Variants in UTP6 observed in about 807,000 individuals in gnomAD.
UTP6 encodes UTP6 small subunit processome component.
In UTP6, 60 loss-of-function variants were observed where a neutral mutation model predicts 96.5. The observed-to-expected ratio is 0.62, with a 90% CI of 0.51 to 0.77. UTP6 has a LOEUF of 0.77. Among genes scored for constraint, UTP6 ranks in the 30% least tolerant of loss-of-function variants. The pLI, the probability that UTP6 is intolerant of heterozygous loss-of-function variation, is 0.00. For missense variants in UTP6, 637 were observed against 706.5 expected (o/e 0.90, Z 1.12); for synonymous variants, 215 against 240.1 (o/e 0.90, Z 0.96).
rs575292810 is a variant in UTP6 at position 31,897,658 on chromosome 17, A to G, written c.177+1988T>C. Reference sequence around the variant, plus strand: ...AGATGGGGGTTTCACCATGTTGGCCAGGCTGGTCTCGAACTCCTGACCACA... The same window carrying G: ...AGATGGGGGTTTCACCATGTTGGCCGGGCTGGTCTCGAACTCCTGACCACA... On this transcript the variant is annotated intron_variant, in intron 2 of 18. Transcript: ENST00000261708. 9.3e-4 allele frequency among the ~76,000 whole-genome samples: 141 copies of G among 152,124 alleles called. 1 individual carries two copies. The highest frequency in any genetic ancestry group is 2.0e-3 in the Admixed American group (30 of 15,244).
intron 11 of UTP6, among the ~76,000 whole-genome samples, chr17:31,879,999 G>A (rs1305202721): frequency 5.3e-5 from 8 of 152,064 alleles, no homozygotes; most frequent in East Asian, 1.9e-4. Flanking sequence ...CCAGCTACTC[G>A]GGAGGATGAG....
At chr17:31,882,863 G>A (rs1389654633) in intron 10 of UTP6, among the ~76,000 whole-genome samples, 1 of 151,986 alleles carries the variant, frequency 6.6e-6, no homozygotes, top group African/African-American at 2.4e-5. Context: ...ACAGCTCACG[G>A]CAGCCTCAAC....
intron 14 of UTP6, among the ~76,000 whole-genome samples, 195 bp downstream of exon 14, chr17:31,875,039 A>G (rs1910413846): frequency 6.6e-6 from 1 of 152,184 alleles, no homozygotes; most frequent in African/African-American, 2.4e-5. Context: ...AGTTTTATTT[A>G]ATTTGGTTAA....
At chr17:31,877,123 C>G (rs959759890) in intron 13 of UTP6, among the ~76,000 whole-genome samples, 1 of 152,116 alleles carries the variant, frequency 6.6e-6, no homozygotes, top group African/African-American at 2.4e-5. Flanking sequence ...TAAACTAAAG[C>G]AAATTTTTCT....
At chr17:31,894,901 G>T in intron 3 of UTP6, 69 bp downstream of exon 3, 1 of 1,397,640 alleles carries the variant, frequency 7.2e-7, no homozygotes, top group Non-Finnish European at 1.0e-6. Context: ...CCAAACACAA[G>T]TCCTAACTAT....
chr17:31,869,741 T>C (rs1910045048), intron 16 of UTP6, among the ~76,000 whole-genome samples: 4 of 152,190 alleles, frequency 2.6e-5, no homozygotes, highest in Admixed American at 2.0e-4. Flanking sequence ...TGCGTGACAC[T>C]GAGGTTTGGG....
intron 16 of UTP6, among the ~76,000 whole-genome samples, chr17:31,869,731 T>C (rs1175513438): frequency 1.3e-5 from 2 of 152,164 alleles, no homozygotes; most frequent in African/African-American, 4.8e-5. Flanking sequence ...GTGTGTATAT[T>C]GCGTGACACT....
At chr17:31,899,989 CA>C (rs1904875470) in intron 1 of UTP6, among the ~76,000 whole-genome samples, 1 of 151,786 alleles carries the variant, frequency 6.6e-6, no homozygotes, top group South Asian at 2.1e-4. Context: ...ACTAAAAATA[CA>C]AAAATTAGCT....
intron 16 of UTP6, among the ~76,000 whole-genome samples, chr17:31,871,551 C>T (rs1910172171): frequency 6.6e-6 from 1 of 152,046 alleles, no homozygotes; most frequent in Non-Finnish European, 1.5e-5. Flanking sequence ...AGGTCAAGAT[C>T]AGTTTAAGCA....
intron 2 of UTP6, among the ~76,000 whole-genome samples, chr17:31,898,525 C>CAA (rs879824868): frequency 7.3e-6 from 1 of 137,190 alleles, no homozygotes; most frequent in Non-Finnish European, 1.6e-5. Flanking sequence ...AACTCCATCT[C>CAA]AAAAAAAAAA....
At chr17:31,892,133 T>C (rs1904354852) in intron 6 of UTP6, 127 bp downstream of exon 6, 2 of 959,562 alleles carry the variant, frequency 2.1e-6, no homozygotes, top group East Asian at 5.2e-5. Flanking sequence ...TAAGAAAAAC[T>C]GCTGAGGCCA....
At chr17:31,886,963 T>C (rs1363116043) in intron 8 of UTP6, among the ~76,000 whole-genome samples, 1 of 152,132 alleles carries the variant, frequency 6.6e-6, no homozygotes, top group Non-Finnish European at 1.5e-5. Context: ...AAAGCTTCAT[T>C]TTCCTAACTA....
intron 13 of UTP6, among the ~76,000 whole-genome samples, chr17:31,876,980 C>T (rs557574733): frequency 1.3e-5 from 2 of 152,240 alleles, no homozygotes; most frequent in South Asian, 2.1e-4. Flanking sequence ...CCACTACACT[C>T]CAGGCTGGGT....
Position 31,863,476 on chromosome 17 carries a change from G to A in UTP6, c.1677C>T (p.Pro559=), listed in dbSNP as rs1287220668. 1 of 1,612,978 alleles carries A rather than the reference G, an allele frequency of 6.2e-7. No homozygotes were observed. The highest frequency in any genetic ancestry group is 8.5e-7 in the Non-Finnish European group (1 of 1,179,732). Residue 559 remains proline (P), a synonymous_variant, in exon 19 of 19, where the codon CCC becomes CCT. Coordinates refer to ENST00000261708, the MANE Select transcript of UTP6 (RefSeq NM_018428.3). ...MDYMKEELNH[P]LGRPENCGQI... ...GTCCACAGTTCTCAGGTCTACCAAG[G>A]GGGTGGTTCAATTCTTCTTTCATAT... is the stretch of plus-strand genomic sequence containing the variant.
At chr17:31,875,801 C>T (rs1210469169) in intron 13 of UTP6, among the ~76,000 whole-genome samples, 3 of 142,096 alleles carry the variant, frequency 2.1e-5, no homozygotes, top group Non-Finnish European at 4.5e-5. Context: ...CCAACCTCGG[C>T]GACAGAGCAA....
rs753130831 is a variant in UTP6 at position 31,901,616 on chromosome 17, T to G, written c.12A>C (p.Ile4=). 6 of 1,613,740 alleles carry G rather than the reference T, an allele frequency of 3.7e-6. No individual in the cohort carries two copies. Among genetic ancestry groups the G allele is most frequent in the African/African-American group, 1.3e-5 (1 of 74,892 alleles). MAE[I]IQERIEDRLP... ...GCCGATCTTCTATGCGTTCCTGAAT[T>G]ATCTCTGCCATGAGGTCCGAGGTCT... The change falls in exon 1 of 19, where the codon ATA becomes ATC. Residue 4 remains isoleucine, a synonymous_variant. Coordinates refer to ENST00000261708, the MANE Select transcript of UTP6 (RefSeq NM_018428.3).
At chr17:31,868,325 GTTTTTT>G (rs33960994) in intron 16 of UTP6, among the ~76,000 whole-genome samples, 2 of 90,504 alleles carry the variant, frequency 2.2e-5, no homozygotes, top group African/African-American at 8.4e-5. Flanking sequence ...TAGTTTTTTG[GTTTTTT>G]TTTTTTTTTT....
intron 16 of UTP6, among the ~76,000 whole-genome samples, chr17:31,870,175 T>C: frequency 6.6e-6 from 1 of 152,218 alleles, no homozygotes; most frequent in East Asian, 1.9e-4. Context: ...TTTGTTTTCC[T>C]TTGGGTATAT....
intron 17 of UTP6, among the ~76,000 whole-genome samples, chr17:31,865,947 A>G (rs1909787433): frequency 6.6e-6 from 1 of 152,190 alleles, no homozygotes; most frequent in Admixed American, 6.5e-5. Context: ...AACTATAAGT[A>G]TTAGATTAAA....
Sources: allele counts gnomAD v4.1 joint callset (sites outside exome capture counted in the v4.1 genomes callset), GRCh38; gene constraint gnomAD v4.1.1; transcripts MANE v1.5; gene names NCBI Gene and HGNC (gene_info 2026-07-23, HGNC 2026-07-21).